The following FGD4 variants were observed in gnomAD, a reference collection of about 807,000 sequenced individuals.
The protein encoded by FGD4 is FYVE, RhoGEF and PH domain-containing protein 4.
A neutral mutation model predicts 102.0 loss-of-function variants in FGD4; 42 were observed. The ratio of observed to expected loss-of-function variants is 0.41; its 90% CI spans 0.32 to 0.53. The LOEUF is 0.53. FGD4 is among the 20% of genes least tolerant of loss of function. The pLI is 0.21. For missense variants in FGD4, 902 were observed against 1,078.2 expected (o/e 0.84, Z 2.29); for synonymous variants, 380 against 375.7 (o/e 1.01, Z -0.13).
chr12:32,613,770 AAAAT>A (rs1161626895), intron 10 of FGD4, among the ~76,000 whole-genome samples: 1 of 152,128 alleles, frequency 6.6e-6, no homozygotes, highest in African/African-American at 2.4e-5. Flanking sequence ...CTGTCTCAGA[AAAAT>A]AAATAAATAA....
intron 3 of FGD4, among the ~76,000 whole-genome samples, chr12:32,578,606 G>T (rs1346863380): frequency 6.6e-6 from 1 of 152,094 alleles, no homozygotes; most frequent in Non-Finnish European, 1.5e-5. Context: ...ACATTGGTTG[G>T]ATTGTCTGAG....
chr12:32,472,668 G>A (rs1244324391), intron 1 of FGD4, among the ~76,000 whole-genome samples: 2 of 152,366 alleles, frequency 1.3e-5, no homozygotes, highest in South Asian at 2.1e-4. Flanking sequence ...CAAGGGCTGA[G>A]GAATGCGAGT....
intron 1 of FGD4, among the ~76,000 whole-genome samples, chr12:32,492,365 A>T (rs1209889838): frequency 1.3e-5 from 2 of 152,200 alleles, no homozygotes; most frequent in African/African-American, 4.8e-5. Context: ...TGTCAAAATC[A>T]TTTCATAAAA....
At position 32,506,759 on chromosome 12, in the gene FGD4, G is replaced by A. The variant is rs889583392; in HGVS notation, c.167-57378G>A. The stretch of plus-strand genomic sequence containing the variant: ...TTCCTATTGCGATGTGGAGGATATG[G>A]CATTGAGCACAATGGGCAAGATGTT... On this transcript the variant is annotated intron_variant, in intron 1 of 16. Coordinates refer to ENST00000534526, the MANE Select transcript of FGD4 (RefSeq NM_001370298.3). This position sits in a 1 kb window ranked among gnomAD's most constrained non-coding sequence, Gnocchi z 4.5. Among the ~76,000 whole-genome samples, 9 of 152,104 alleles carry A rather than the reference G, an allele frequency of 5.9e-5. No homozygotes were observed. The highest frequency in any genetic ancestry group is 8.8e-5 in the Non-Finnish European group (6 of 68,032).
At chr12:32,478,154 G>A (rs191271407) in intron 1 of FGD4, among the ~76,000 whole-genome samples, 152 of 152,098 alleles carry the variant, frequency 1.0e-3, no homozygotes, top group Non-Finnish European at 1.9e-3. Context: ...CTTTTTTATC[G>A]TATTGTTGTA....
At chr12:32,457,254 T>A (rs1463048383) in intron 1 of FGD4, among the ~76,000 whole-genome samples, 1 of 152,158 alleles carries the variant, frequency 6.6e-6, no homozygotes, top group Non-Finnish European at 1.5e-5. Context: ...ATTTTTTTTT[T>A]AACTAGAAAT....
chr12:32,464,391 A>G (rs1015389644), intron 1 of FGD4, among the ~76,000 whole-genome samples: 1 of 148,408 alleles, frequency 6.7e-6, no homozygotes, highest in African/African-American at 2.4e-5. Context: ...GAGCTCCAGC[A>G]ATCCGCCCAC....
At chr12:32,587,180 ACT>A (rs1016884105) in intron 4 of FGD4, among the ~76,000 whole-genome samples, 3 of 119,430 alleles carry the variant, frequency 2.5e-5, no homozygotes, top group Non-Finnish European at 4.9e-5. Context: ...ACAGGGTGAG[ACT>A]CTCTCAAAAA....
At chr12:32,451,352 C>A (rs999443676) in intron 1 of FGD4, among the ~76,000 whole-genome samples, 11 of 152,080 alleles carry the variant, frequency 7.2e-5, no homozygotes, top group Non-Finnish European at 1.3e-4. Flanking sequence ...CCATATGTTT[C>A]TACAACAACA....
intron 5 of FGD4, chr12:32,600,594 T>A: frequency 7.5e-6 from 2 of 267,806 alleles, no homozygotes; most frequent in Non-Finnish European, 1.2e-5. Flanking sequence ...CTTTCTTTCT[T>A]TTTTTTTTTT....
At chr12:32,425,791 T>G (rs1308770946) in intron 1 of FGD4, among the ~76,000 whole-genome samples, 2 of 152,210 alleles carry the variant, frequency 1.3e-5, no homozygotes, top group East Asian at 3.8e-4. Context: ...GAACTTCACA[T>G]TTCTTGTAAG....
At chr12:32,572,072 G>A (rs557031560) in intron 2 of FGD4, among the ~76,000 whole-genome samples, 2 of 137,850 alleles carry the variant, frequency 1.5e-5, no homozygotes, top group Non-Finnish European at 3.0e-5. Context: ...GTGTGCGTGC[G>A]TGTGTGTATG....
rs140226340 is a variant in FGD4 at position 32,412,098 on chromosome 12, A to T, written c.166+12139A>T. On this transcript the variant is annotated intron_variant, in intron 1 of 16. Coordinates refer to ENST00000534526, the MANE Select transcript of FGD4 (RefSeq NM_001370298.3). Reference sequence around the variant, plus strand: ...AAATACTTACATAATCTTATTTCAGAGGGGAAGAGGAGATAGGGAATATTG... The same window carrying T: ...AAATACTTACATAATCTTATTTCAGTGGGGAAGAGGAGATAGGGAATATTG... Among the ~76,000 whole-genome samples, 320 of 152,350 alleles carry T rather than the reference A, an allele frequency of 2.1e-3. 2 individuals carry two copies. Among genetic ancestry groups the T allele is most frequent in the African/African-American group, 7.6e-3 (314 of 41,582 alleles).
At chr12:32,639,498 C>G (rs1411702109) in intron 16 of FGD4, among the ~76,000 whole-genome samples, 3 of 151,990 alleles carry the variant, frequency 2.0e-5, no homozygotes, top group Non-Finnish European at 4.4e-5. Flanking sequence ...TCTTTTTGCT[C>G]AATGGATAGA....
At chr12:32,405,464 G>A (rs1205337356) in intron 1 of FGD4, among the ~76,000 whole-genome samples, 3 of 148,242 alleles carry the variant, frequency 2.0e-5, no homozygotes, top group African/African-American at 7.5e-5. Context: ...TCTCCAAGTT[G>A]GTCAGGCTGG....
chr12:32,527,512 C>G (rs1362183356), intron 1 of FGD4, among the ~76,000 whole-genome samples: 1 of 152,320 alleles, frequency 6.6e-6, no homozygotes, highest in Non-Finnish European at 1.5e-5. Flanking sequence ...TCACTGCAAC[C>G]TCTGCCTCCT....
intron 1 of FGD4, among the ~76,000 whole-genome samples, chr12:32,462,568 AT>A (rs57441457): frequency 6.6e-6 from 1 of 151,506 alleles, no homozygotes; most frequent in Non-Finnish European, 1.5e-5. Flanking sequence ...ATACATTCTG[AT>A]TTTTTTTTAT....
intron 10 of FGD4, among the ~76,000 whole-genome samples, chr12:32,618,717 T>A (rs530574048): frequency 9.2e-5 from 14 of 152,272 alleles, no homozygotes; most frequent in Non-Finnish European, 2.1e-4. Context: ...ACGCCTGTAA[T>A]CCCAGGACTT....
intron 4 of FGD4, among the ~76,000 whole-genome samples, chr12:32,592,597 T>TA (rs1389244797): frequency 6.6e-6 from 1 of 151,734 alleles, no homozygotes; most frequent in Non-Finnish European, 1.5e-5. Context: ...CTTTCCTGTT[T>TA]AAAAAAAATA....
Sources: allele counts gnomAD v4.1 joint callset (sites outside exome capture counted in the v4.1 genomes callset), GRCh38; gene constraint gnomAD v4.1.1; non-coding constraint Gnocchi (gnomAD v3.1); transcripts MANE v1.5; gene names NCBI Gene and HGNC (gene_info 2026-07-23, HGNC 2026-07-21).